Variants in ZNF362 observed in about 807,000 individuals in gnomAD.
ZNF362 encodes rotund homolog.
Under a neutral mutation model 42.9 loss-of-function variants are expected in ZNF362, and 11 were observed. The ratio of observed to expected loss-of-function variants is 0.26; its 90% confidence interval spans 0.16 to 0.42. The LOEUF (loss-of-function observed/expected upper bound fraction) is 0.42, where lower values mean the gene tolerates loss of function less well. Among genes scored for constraint, ZNF362 ranks in the 20% least tolerant of loss-of-function variants. The pLI, the probability that ZNF362 is intolerant of heterozygous loss-of-function variation, is 1.00. For missense variants in ZNF362, 362 were observed against 576.2 expected (o/e 0.63, Z 3.81); for synonymous variants, 255 against 257.3 (o/e 0.99, Z 0.09).
At chr1:33,151,765 T>C in the ZNF362 span, among the ~76,000 whole-genome samples, 2 of 152,216 alleles carry the variant, frequency 1.3e-5, no homozygotes, top group Non-Finnish European at 1.5e-5. Flanking sequence ...GTCAAAGGCA[T>C]TCAGGAAGGA....
At chr1:33,235,128 T>G in the ZNF362 span, among the ~76,000 whole-genome samples, 1 of 152,142 alleles carries the variant, frequency 6.6e-6, no homozygotes, top group Non-Finnish European at 1.5e-5. Context: ...TTAGGACACT[T>G]GGGAACTCCT....
At chr1:33,258,281 G>T (rs1322359507) in intron 1 of ZNF362, among the ~76,000 whole-genome samples, 2 of 152,140 alleles carry the variant, frequency 1.3e-5, no homozygotes, top group East Asian at 1.9e-4. Context: ...CAAGGTCTGG[G>T]GTGACTGGTG....
upstream of ZNF362, among the ~76,000 whole-genome samples, chr1:33,252,396 C>A (rs1645766727): frequency 1.3e-5 from 2 of 151,024 alleles, no homozygotes; most frequent in Admixed American, 6.6e-5. Context: ...ACCAGAAAAA[C>A]CATCTATTCT....
chr1:33,240,675 G>A, the ZNF362 span, among the ~76,000 whole-genome samples: 2 of 152,082 alleles, frequency 1.3e-5, no homozygotes, highest in Non-Finnish European at 2.9e-5. Flanking sequence ...GGTTCTTCTT[G>A]TTCAAGCTAA....
the ZNF362 span, among the ~76,000 whole-genome samples, chr1:33,188,002 G>T: frequency 6.6e-6 from 1 of 152,282 alleles, no homozygotes; most frequent in East Asian, 1.9e-4. Context: ...TTGGGAGGCC[G>T]AGACGGGCAG....
At chr1:33,176,544 C>G in the ZNF362 span, 1 of 625,102 alleles carries the variant, frequency 1.6e-6, no homozygotes, top group Admixed American at 2.2e-5. Context: ...GGGTTAGGAA[C>G]CTGAGACGGC....
At chr1:33,264,608 T>G (rs1448663882) in intron 1 of ZNF362, among the ~76,000 whole-genome samples, 1 of 152,172 alleles carries the variant, frequency 6.6e-6, no homozygotes, top group Non-Finnish European at 1.5e-5. Flanking sequence ...AATCCATACT[T>G]TGAACCCTTG....
At chr1:33,172,317 C>T in the ZNF362 span, among the ~76,000 whole-genome samples, 1 of 152,158 alleles carries the variant, frequency 6.6e-6, no homozygotes, top group Non-Finnish European at 1.5e-5. Context: ...TCCTTCAAGT[C>T]TCCAGGATGG....
At position 33,297,511 on chromosome 1, in the gene ZNF362, C is replaced by CTTTTTTTTTTTTTTTTTTTTTTTT. The variant is rs776504622; in HGVS notation, c.1147-1418_1147-1417insTTTTTTTTTTTTTTTTTTTTTTTT. On this transcript the variant is annotated intron_variant, in intron 8 of 8. Coordinates refer to ENST00000539719, the MANE Select transcript of ZNF362 (RefSeq NM_152493.3). ...ATGATTTGGTGTATTTACATGATTC[C>CTTTTTTTTTTTTTTTTTTTTTTTT]TCTTTTTTTTTTTTTTTTTGAGACG... 3.8e-5 allele frequency among the ~76,000 whole-genome samples: 3 copies of CTTTTTTTTTTTTTTTTTTTTTTTT among 78,908 alleles called. 1 individual carries two copies. Among genetic ancestry groups the CTTTTTTTTTTTTTTTTTTTTTTTT allele is most frequent in the African/African-American group, 6.6e-5 (1 of 15,124 alleles). 51.8% of individuals were successfully genotyped at this position (78,908 alleles called of 152,430 possible).
chr1:33,247,947 G>A, the ZNF362 span, among the ~76,000 whole-genome samples: 2 of 152,338 alleles, frequency 1.3e-5, no homozygotes, highest in Non-Finnish European at 2.9e-5. Context: ...CTCTGGGTGA[G>A]GTCAAGTCCC....
At chr1:33,143,457 G>T in the ZNF362 span, among the ~76,000 whole-genome samples, 1 of 152,148 alleles carries the variant, frequency 6.6e-6, no homozygotes, top group Admixed American at 6.5e-5. Flanking sequence ...GAGGATGGGG[G>T]AGGGCTTGGG....
chr1:33,281,556 T>C lies in ZNF362; in HGVS notation c.684-31T>C. On this transcript the variant is annotated intron_variant, in intron 5 of 8. Transcript: ENST00000539719. This position sits in a 1 kb window ranked among gnomAD's most constrained non-coding sequence, Gnocchi z 4.8. Reference sequence around the variant, plus strand: ...CCTGAGATGGACAGTCTGGGGGATCTTCCCACGTGAACCTGTCTCTTGCTC... The same window carrying C: ...CCTGAGATGGACAGTCTGGGGGATCCTCCCACGTGAACCTGTCTCTTGCTC... 1.2e-6 allele frequency: 2 copies of C among 1,610,288 alleles called. No individual in the cohort carries two copies. Among genetic ancestry groups the C allele is most frequent in the Non-Finnish European group, 1.7e-6 (2 of 1,176,610 alleles).
the ZNF362 span, among the ~76,000 whole-genome samples, chr1:33,149,820 T>C: frequency 6.6e-6 from 1 of 152,300 alleles, no homozygotes; most frequent in Non-Finnish European, 1.5e-5. Context: ...TGATCACATT[T>C]TGCCCTATTT....
the ZNF362 span, among the ~76,000 whole-genome samples, chr1:33,238,058 C>T: frequency 2.0e-5 from 3 of 152,134 alleles, no homozygotes; most frequent in African/African-American, 7.2e-5. Flanking sequence ...GTGGCTCACG[C>T]CTGTAATCCC....
the ZNF362 span, among the ~76,000 whole-genome samples, chr1:33,132,461 C>G: frequency 6.6e-6 from 1 of 152,218 alleles, no homozygotes; most frequent in Non-Finnish European, 1.5e-5. Context: ...TTGTCAACCC[C>G]TAAACTGTAC....
chr1:33,206,596 T>G, the ZNF362 span, among the ~76,000 whole-genome samples: 1 of 151,930 alleles, frequency 6.6e-6, no homozygotes, highest in Non-Finnish European at 1.5e-5. Context: ...GCCAACACAG[T>G]GAGACCCCAT....
At chr1:33,157,881 C>T in the ZNF362 span, among the ~76,000 whole-genome samples, 44 of 151,888 alleles carry the variant, frequency 2.9e-4, no homozygotes, top group African/African-American at 6.5e-4. Flanking sequence ...CTCAGCCTCT[C>T]GAGTAGCTGG....
chr1:33,259,136 G>A (rs1464196571), intron 1 of ZNF362, among the ~76,000 whole-genome samples: 2 of 152,214 alleles, frequency 1.3e-5, no homozygotes, highest in East Asian at 3.8e-4. Flanking sequence ...GGAAGTCAGT[G>A]ATTTGGGTCT....
the ZNF362 span, among the ~76,000 whole-genome samples, chr1:33,229,800 G>A: frequency 6.6e-6 from 1 of 151,986 alleles, no homozygotes; most frequent in Non-Finnish European, 1.5e-5. Context: ...CCCCTTTAGC[G>A]ATTACAATTG....
Sources: allele counts gnomAD v4.1 joint callset (sites outside exome capture counted in the v4.1 genomes callset), GRCh38; gene constraint gnomAD v4.1.1; non-coding constraint Gnocchi (gnomAD v3.1); transcripts MANE v1.5; gene names NCBI Gene and HGNC (gene_info 2026-07-23, HGNC 2026-07-21).